Variants in PRR14L observed in about 807,000 individuals in gnomAD.
The protein encoded by PRR14L is protein PRR14L.
A neutral mutation model predicts 155.0 loss-of-function variants in PRR14L; 80 were observed. The ratio of observed to expected loss-of-function variants is 0.52; its 90% CI spans 0.43 to 0.62. The LOEUF (loss-of-function observed/expected upper bound fraction) is 0.62, where lower values mean the gene tolerates loss of function less well. PRR14L is among the 20% of genes least tolerant of loss of function. PRR14L has a pLI of 0.00. For missense variants in PRR14L, 2,469 were observed against 2,548.0 expected (o/e 0.97, Z 0.67); for synonymous variants, 883 against 916.0 (o/e 0.96, Z 0.65).
intron 4 of PRR14L, among the ~76,000 whole-genome samples, chr22:31,706,016 CA>C (rs996826232): frequency 7.2e-6 from 1 of 138,696 alleles, no homozygotes; most frequent in Non-Finnish European, 1.6e-5. Flanking sequence ...CCAAACTAAA[CA>C]AAACAACATA....
At chr22:31,696,862 C>A (rs1020493645) in intron 7 of PRR14L, among the ~76,000 whole-genome samples, 1 of 152,144 alleles carries the variant, frequency 6.6e-6, no homozygotes, top group African/African-American at 2.4e-5. Context: ...TGCCTGTAAT[C>A]CCAGCACTTT....
rs747049428 is a variant in PRR14L at position 31,685,321 on chromosome 22, A to G, written c.*206T>C. 1.8e-6 allele frequency: 1 copy of G among 558,252 alleles called. No individual in the cohort carries two copies. The highest frequency in any genetic ancestry group is 3.2e-6 in the Non-Finnish European group (1 of 316,800). 34.6% of individuals were successfully genotyped at this position (558,252 alleles called of 1,614,324 possible). A position where few individuals can be genotyped will look rare whatever the true frequency, so the allele number is the denominator to read the frequency against. ...TCCTGAGGTTCTATACTCAGCAGTA[A>G]AAGTAGAGGACCCTCCTTCACCAGT... is the stretch of plus-strand genomic sequence containing the variant. On this transcript the variant is annotated 3_prime_UTR_variant, in exon 9 of 9. Coordinates refer to ENST00000327423, the MANE Select transcript of PRR14L (RefSeq NM_173566.3).
At chr22:31,691,963 G>A (rs1021546793) in intron 7 of PRR14L, among the ~76,000 whole-genome samples, 5 of 151,590 alleles carry the variant, frequency 3.3e-5, no homozygotes, top group South Asian at 4.2e-4. Flanking sequence ...CACCTCCTGC[G>A]TTAAGGCAAT....
chr22:31,746,849 C>T (rs1040542928), intron 1 of PRR14L, among the ~76,000 whole-genome samples: 5 of 146,914 alleles, frequency 3.4e-5, no homozygotes, highest in Admixed American at 6.9e-5. Context: ...CAGGCTGGAG[C>T]GCAGTGGCGC....
chr22:31,694,490 G>GT (rs1264353530), intron 7 of PRR14L, among the ~76,000 whole-genome samples: 1 of 152,238 alleles, frequency 6.6e-6, no homozygotes, highest in East Asian at 1.9e-4. Flanking sequence ...TCTCATGCCT[G>GT]TAATTCCAGC....
chr22:31,740,256 G>A (rs926760370), intron 1 of PRR14L, among the ~76,000 whole-genome samples: 1 of 152,090 alleles, frequency 6.6e-6, no homozygotes, highest in Non-Finnish European at 1.5e-5. Context: ...GTCTCACTCT[G>A]TCACCCAGGC....
At chr22:31,687,664 C>T (rs1239748754) in intron 8 of PRR14L, among the ~76,000 whole-genome samples, 1 of 151,322 alleles carries the variant, frequency 6.6e-6, no homozygotes, top group Non-Finnish European at 1.5e-5. Context: ...ATTTTCTTTA[C>T]GTAACCCAAT....
chr22:31,703,624 GA>G lies in PRR14L; in HGVS notation c.5925del (p.Arg1976ValfsTer9). On this transcript the variant is annotated frameshift_variant, in exon 6 of 9. Transcript: ENST00000327423. LOFTEE classifies it high-confidence loss of function. ...ACACCATCCAGCTCATCCAATCCAC[GA>G]ACCTGGAACTCAGAGGCTGAAAGCA... ...KLLLSASEFQ[V>X]RGLDELDGVK... is the part of the protein sequence containing the mutation. 6.2e-7 allele frequency: 1 copy of G among 1,613,730 alleles called. No homozygotes were observed. Among genetic ancestry groups the G allele is most frequent in the Non-Finnish European group, 8.5e-7 (1 of 1,179,850 alleles).
At position 31,716,740 on chromosome 22, in the gene PRR14L, C is replaced by T. The variant is rs960081720; in HGVS notation, c.1099G>A (p.Gly367Ser). Residue 367 changes from glycine (G) to serine (S), a missense_variant, in exon 4 of 9, where the codon GGT (glycine) becomes AGT (serine). By Grantham distance (56) the Gly-to-Ser change is moderately conservative. Coordinates refer to ENST00000327423, the MANE Select transcript of PRR14L (RefSeq NM_173566.3). ...ISLENCGFEG[G>S]GLLKRSAEKT... The stretch of plus-strand genomic sequence containing the variant: ...TCAGCAGATCTCTTTAGCAAACCAC[C>T]ACCTTCAAAACCACAGTTTTCTAAG... 3.2e-6 allele frequency: 5 copies of T among 1,551,700 alleles called. No individual in the cohort carries two copies. The highest frequency in any genetic ancestry group is 2.0e-5 in the Admixed American group (1 of 50,954).
chr22:31,699,475 G>A (rs1372541216), intron 7 of PRR14L, among the ~76,000 whole-genome samples: 2 of 152,202 alleles, frequency 1.3e-5, no homozygotes, highest in African/African-American at 4.8e-5. Flanking sequence ...TATGTTCAAA[G>A]GGAATGCTCA....
chr22:31,745,034 C>T (rs116888100), intron 1 of PRR14L, among the ~76,000 whole-genome samples: 316 of 152,296 alleles, frequency 2.1e-3, no homozygotes, highest in Admixed American at 5.2e-3. Context: ...TTACCAAGAA[C>T]AGCTGGAACC....
chr22:31,689,106 T>C (rs1200601203), intron 7 of PRR14L, among the ~76,000 whole-genome samples: 2 of 152,212 alleles, frequency 1.3e-5, no homozygotes, highest in East Asian at 3.8e-4. Flanking sequence ...TTATTAACTA[T>C]TGGGTTTATA....
Position 31,712,967 on chromosome 22 carries a change from G to A in PRR14L, c.4872C>T (p.Ser1624=). The A allele has an allele frequency of 6.4e-7, 1 of 1,551,766 alleles. No individual in the cohort carries two copies. Among genetic ancestry groups the A allele is most frequent in the South Asian group, 1.2e-5 (1 of 84,064 alleles). Residue 1624 remains serine, a synonymous_variant, in exon 4 of 9, where the codon TCC becomes TCT. Transcript: ENST00000327423. ...GAGTCTTCATGGCTGGGGCCAGTTT[G>A]GAGGCAAGGATGGACAGCTTGTTTA... ...ALLNKLSILA[S]KLAPAMKTQK...
chr22:31,713,740 C>A lies in PRR14L; in HGVS notation c.4099G>T (p.Asp1367Tyr), dbSNP rs144157513. The part of the protein sequence containing the change: ...ELVTRETGDG[D>Y]PVSNISQTHF... ...GTCTGAGAGATGTTGCTCACGGGAT[C>A]GCCATCGCCAGTTTCTCTGGTAACC... Residue 1367 changes from aspartate to tyrosine, a missense_variant, in exon 4 of 9, where the codon GAT (aspartate) becomes TAT (tyrosine). Asp to Tyr is a radical substitution (Grantham distance 160, BLOSUM62 -3). Transcript: ENST00000327423. 6.8e-4 allele frequency: 1,063 copies of A among 1,552,366 alleles called. 7 individuals are homozygous for A. The African/African-American group carries it at 0.01, about 15-fold the overall frequency.
chr22:31,697,997 T>A (rs1033679004), intron 7 of PRR14L, among the ~76,000 whole-genome samples: 2 of 152,056 alleles, frequency 1.3e-5, no homozygotes, highest in Non-Finnish European at 2.9e-5. Flanking sequence ...TCAATTCATA[T>A]AATGAAATAT....
rs1330126582 is a variant in PRR14L at position 31,714,882 on chromosome 22, C to T, written c.2957G>A (p.Gly986Asp). The T allele has an allele frequency of 1.3e-6, 2 of 1,551,830 alleles. No homozygotes were observed. Among genetic ancestry groups the T allele is most frequent in the Non-Finnish European group, 1.7e-6 (2 of 1,147,062 alleles). Reference sequence around the variant, plus strand: ...ACTTAGCATCTCCTTGGCTGACTGACCTTCACTTTTGCATTCATCTGGTCT... The same window carrying T: ...ACTTAGCATCTCCTTGGCTGACTGATCTTCACTTTTGCATTCATCTGGTCT... ...QNRPDECKSE[G>D]QSAKEMLSSD... The change falls in exon 4 of 9, where the codon GGT (glycine) becomes GAT (aspartate). Residue 986 changes from glycine to aspartate, a missense_variant. Physicochemically the swap from Gly to Asp is moderately conservative, Grantham distance 94. Coordinates refer to ENST00000327423, the MANE Select transcript of PRR14L (RefSeq NM_173566.3).
chr22:31,720,931 C>A (rs1314371218), intron 3 of PRR14L, among the ~76,000 whole-genome samples: 2 of 152,168 alleles, frequency 1.3e-5, no homozygotes, highest in Non-Finnish European at 2.9e-5. Context: ...TGAGTAGGAA[C>A]TAATATTGCC....
chr22:31,727,514 C>T (rs550379277), intron 2 of PRR14L, among the ~76,000 whole-genome samples: 22 of 151,936 alleles, frequency 1.4e-4, no homozygotes, highest in African/African-American at 5.3e-4. Flanking sequence ...GGATTACAGG[C>T]GTGAGCCACC....
intron 7 of PRR14L, among the ~76,000 whole-genome samples, chr22:31,696,995 A>T (rs5998093): frequency 0.087 from 13,208 of 152,122 alleles, 658 homozygotes; most frequent in Admixed American, 0.15. Flanking sequence ...TGTGCCTGTG[A>T]TACCAGCTAC....
Sources: gnomAD v4.1 joint callset for allele counts (sites outside exome capture counted in the v4.1 genomes callset) on GRCh38, gnomAD v4.1.1 for gene constraint, MANE v1.5 for transcripts, NCBI Gene and HGNC (gene_info 2026-07-23, HGNC 2026-07-21) for gene names.